SLC13A3: variants seen among roughly 807,000 people sequenced by gnomAD.
The protein encoded by SLC13A3 is solute carrier family 13 member 3, also known as Na(+)/dicarboxylate cotransporter 3.
In SLC13A3, 40 loss-of-function variants were observed where a neutral mutation model predicts 59.0. The observed-to-expected ratio is 0.68, with a 90% confidence interval of 0.53 to 0.88. The LOEUF is 0.88. Among genes scored for constraint, SLC13A3 ranks in the 40% least tolerant of loss-of-function variants. The pLI is 0.00. For synonymous variants in SLC13A3, 317 were observed against 330.3 expected (o/e 0.96, Z 0.44); for missense variants, 699 against 783.2 (o/e 0.89, Z 1.28).
At chr20:46,642,982 G>A (rs980048487) in intron 1 of SLC13A3, among the ~76,000 whole-genome samples, 1 of 152,186 alleles carries the variant, frequency 6.6e-6, no homozygotes, top group South Asian at 2.1e-4. Flanking sequence ...GGAGAGAATC[G>A]TAGTAGCTCC....
rs143765755 is a variant in SLC13A3 at position 46,631,069 on chromosome 20, A to G, written c.112-17344T>C. On this transcript the variant is annotated intron_variant, in intron 1 of 12. Coordinates refer to ENST00000279027, the MANE Select transcript of SLC13A3 (RefSeq NM_022829.6). ...ATCAATTTCATAAAGCTGGGCTTCA[A>G]AAATACTGTACTTAAAATATGAGAG... Among the ~76,000 whole-genome samples, 17 of 152,358 alleles carry G rather than the reference A, an allele frequency of 1.1e-4. No homozygotes were observed. The East Asian group carries it at 3.3e-3, about 29-fold the overall frequency.
intron 1 of SLC13A3, among the ~76,000 whole-genome samples, chr20:46,644,614 C>G (rs1041898492): frequency 6.6e-6 from 1 of 152,204 alleles, no homozygotes; most frequent in Non-Finnish European, 1.5e-5. Context: ...TTCCATTTTT[C>G]AGCTGGGGAA....
chr20:46,665,655 C>T (rs1458903030), intron 1 of SLC13A3, among the ~76,000 whole-genome samples: 3 of 152,202 alleles, frequency 2.0e-5, no homozygotes, highest in Admixed American at 6.5e-5. Context: ...AGTTAATACA[C>T]ATTTGGACCG....
intron 1 of SLC13A3, among the ~76,000 whole-genome samples, chr20:46,662,674 A>C (rs2063038415): frequency 6.6e-6 from 1 of 152,248 alleles, no homozygotes; most frequent in Non-Finnish European, 1.5e-5. Flanking sequence ...AACAAGATCC[A>C]AAATGTTCTG....
chr20:46,588,616 CAG>C (rs2062219169), intron 7 of SLC13A3, among the ~76,000 whole-genome samples: 1 of 152,066 alleles, frequency 6.6e-6, no homozygotes, highest in Admixed American at 6.5e-5. Context: ...GGAGAAGACA[CAG>C]AGAGGGGACA....
At chr20:46,603,197 A>G (rs1355237702) in intron 3 of SLC13A3, among the ~76,000 whole-genome samples, 5 of 151,694 alleles carry the variant, frequency 3.3e-5, no homozygotes, top group Non-Finnish European at 7.4e-5. Context: ...AAAAAAAAAG[A>G]GTTAACTTAT....
At chr20:46,661,690 A>G (rs1355464827) in intron 1 of SLC13A3, among the ~76,000 whole-genome samples, 1 of 152,048 alleles carries the variant, frequency 6.6e-6, no homozygotes, top group Non-Finnish European at 1.5e-5. Flanking sequence ...TTGGAGGGCT[A>G]TGGTTCTACA....
At chr20:46,636,428 G>C (rs1408525157) in intron 1 of SLC13A3, among the ~76,000 whole-genome samples, 1 of 152,186 alleles carries the variant, frequency 6.6e-6, no homozygotes, top group Non-Finnish European at 1.5e-5. Flanking sequence ...GTCACTTGTG[G>C]GTAGCACCTG....
At chr20:46,584,443 G>T in intron 8 of SLC13A3, 1 of 985,366 alleles carries the variant, frequency 1.0e-6, no homozygotes, top group Non-Finnish European at 1.2e-6. Flanking sequence ...CTGAAACTCA[G>T]ATTGTTCTGG....
intron 10 of SLC13A3, among the ~76,000 whole-genome samples, chr20:46,574,237 C>T (rs753762581): frequency 5.3e-5 from 8 of 152,142 alleles, no homozygotes; most frequent in Non-Finnish European, 8.8e-5. Flanking sequence ...CAATTTGGAG[C>T]CCGGACTCTG....
At chr20:46,573,771 G>A (rs6017925) in intron 10 of SLC13A3, among the ~76,000 whole-genome samples, 4,076 of 152,312 alleles carry the variant, frequency 0.027, 140 homozygotes, top group African/African-American at 0.071. Context: ...AGGAGTGGTA[G>A]AGCCTAGATT....
At position 46,596,149 on chromosome 20, in the gene SLC13A3, G is replaced by T. The variant is rs373114275; in HGVS notation, c.794+8C>A. The T allele has an allele frequency of 2.5e-6, 4 of 1,611,772 alleles. No homozygotes were observed. Among genetic ancestry groups the T allele is most frequent in the Non-Finnish European group, 3.4e-6 (4 of 1,179,142 alleles). On this transcript the variant is annotated splice_region_variant and intron_variant, in intron 5 of 12. Transcript: ENST00000279027. Reference sequence around the variant, plus strand: ...ACCCTCCCCGCCGGTGGGGACTCTCGCTTTCACCTCTTGAGCTGGCCAAGC... The same window carrying T: ...ACCCTCCCCGCCGGTGGGGACTCTCTCTTTCACCTCTTGAGCTGGCCAAGC...
At chr20:46,638,715 A>ATGCC (rs1231891277) in intron 1 of SLC13A3, among the ~76,000 whole-genome samples, 2 of 152,218 alleles carry the variant, frequency 1.3e-5, no homozygotes, top group Non-Finnish European at 2.9e-5. Context: ...ACTCTGGACC[A>ATGCC]TGCCTGCCTC....
intron 2 of SLC13A3, among the ~76,000 whole-genome samples, chr20:46,612,123 G>GTTTTT (rs1568936280): frequency 1.6e-4 from 11 of 68,890 alleles, no homozygotes; most frequent in African/African-American, 4.7e-4. Flanking sequence ...CTCTCTCTTT[G>GTTTTT]CTTTTTTTTT....
intron 1 of SLC13A3, among the ~76,000 whole-genome samples, chr20:46,661,276 C>T (rs1343535074): frequency 6.6e-6 from 1 of 152,086 alleles, no homozygotes; most frequent in Non-Finnish European, 1.5e-5. Flanking sequence ...TCCTGTAAAA[C>T]CGATAGAGTA....
At chr20:46,596,950 G>C (rs139775333) in intron 4 of SLC13A3, among the ~76,000 whole-genome samples, 2,269 of 152,254 alleles carry the variant, frequency 0.015, 20 homozygotes, top group Middle Eastern at 0.037. Flanking sequence ...CTACTCGGGA[G>C]GCTGAGGCAG....
intron 1 of SLC13A3, among the ~76,000 whole-genome samples, chr20:46,620,626 T>A (rs560780821): frequency 2.0e-5 from 3 of 152,302 alleles, no homozygotes; most frequent in African/African-American, 7.2e-5. Flanking sequence ...GATGAGACTA[T>A]GTTGAAGATG....
In SLC13A3 at chr20:46,569,503, C is replaced by T. The variant is rs79692842; in HGVS notation, c.1333-3113G>A. 9.8e-3 allele frequency among the ~76,000 whole-genome samples: 1,496 copies of T among 152,158 alleles called. 17 individuals are homozygous for T. Among genetic ancestry groups the T allele is most frequent in the African/African-American group, 0.034 (1,431 of 41,546 alleles). On this transcript the variant is annotated intron_variant, in intron 10 of 12. Transcript: ENST00000279027. ...TAACTTCCTAGGCAAGTCACTTAAC[C>T]TCTCTGTGCTAAAATTTCCTTATCT... is the stretch of plus-strand genomic sequence containing the variant.
chr20:46,593,113 A>G (rs1467405057), intron 5 of SLC13A3, among the ~76,000 whole-genome samples: 2 of 152,198 alleles, frequency 1.3e-5, no homozygotes, highest in African/African-American at 2.4e-5. Flanking sequence ...ACGGTGTCCA[A>G]TCTCAGTTTT....
Sources: gnomAD v4.1 joint callset for allele counts (sites outside exome capture counted in the v4.1 genomes callset) on GRCh38, gnomAD v4.1.1 for gene constraint, MANE v1.5 for transcripts, NCBI Gene and HGNC (gene_info 2026-07-23, HGNC 2026-07-21) for gene names.